The following CENPW variants were observed in gnomAD, a reference collection of about 807,000 sequenced individuals.
The protein encoded by CENPW is cancer-up-regulated gene 2 protein.
In CENPW, 3 loss-of-function variants were observed where a neutral mutation model predicts 11.1. The observed-to-expected ratio is 0.27, with a 90% CI of 0.12 to 0.70. The LOEUF is 0.70. Ranked by LOEUF, CENPW falls within the 30% of genes least tolerant of loss-of-function variation. The pLI is 0.77. For missense variants in CENPW, 100 were observed against 105.6 expected, an observed-to-expected ratio of 0.95 and a Z score of 0.23; for synonymous variants, 38 against 42.0, an observed-to-expected ratio of 0.91 and a Z score of 0.37.
the CENPW span, among the ~76,000 whole-genome samples, chr6:126,476,830 A>G: frequency 5.7e-4 from 86 of 152,100 alleles, no homozygotes; most frequent in Non-Finnish European, 9.3e-4. Context: ...GTGATCATAA[A>G]GAGAAGAATT....
the CENPW span, among the ~76,000 whole-genome samples, chr6:126,410,234 C>T: frequency 6.6e-6 from 1 of 152,120 alleles, no homozygotes; most frequent in African/African-American, 2.4e-5. Flanking sequence ...GATTTTATTT[C>T]TTCCTCATTG....
the CENPW span, among the ~76,000 whole-genome samples, chr6:126,463,745 G>A: frequency 3.3e-5 from 5 of 151,922 alleles, no homozygotes; most frequent in African/African-American, 9.7e-5. Context: ...AGTCACTCAA[G>A]AAGAAATAGA....
At chr6:126,407,019 C>T in the CENPW span, among the ~76,000 whole-genome samples, 1 of 152,034 alleles carries the variant, frequency 6.6e-6, no homozygotes, top group African/African-American at 2.4e-5. Context: ...GCTTGCTGTA[C>T]AGATCAACCC....
chr6:126,426,855 C>A, the CENPW span, among the ~76,000 whole-genome samples: 1 of 152,096 alleles, frequency 6.6e-6, no homozygotes, highest in African/African-American at 2.4e-5. Flanking sequence ...GAGGCATGTA[C>A]CAGTGACATC....
At chr6:126,455,975 C>T in the CENPW span, among the ~76,000 whole-genome samples, 2 of 150,580 alleles carry the variant, frequency 1.3e-5, no homozygotes, top group Admixed American at 6.6e-5. Flanking sequence ...TTTACAACAG[C>T]CACAAAAATT....
the CENPW span, among the ~76,000 whole-genome samples, chr6:126,375,164 A>G: frequency 6.6e-6 from 1 of 152,332 alleles, no homozygotes; most frequent in East Asian, 1.9e-4. Flanking sequence ...CTGATGGGAG[A>G]GAGTTTCAAC....
the CENPW span, among the ~76,000 whole-genome samples, chr6:126,463,680 A>T: frequency 6.6e-6 from 1 of 152,058 alleles, no homozygotes; most frequent in African/African-American, 2.4e-5. Flanking sequence ...TTTTATGCCA[A>T]TAAGTTAGAC....
chr6:126,368,552 C>A, the CENPW span, among the ~76,000 whole-genome samples: 1 of 149,002 alleles, frequency 6.7e-6, no homozygotes, highest in Non-Finnish European at 1.5e-5. Flanking sequence ...TTTTGGGGAA[C>A]AGGTGGTGTT....
At chr6:126,365,550 G>A in the CENPW span, among the ~76,000 whole-genome samples, 3 of 152,096 alleles carry the variant, frequency 2.0e-5, no homozygotes, top group Admixed American at 6.5e-5. Context: ...GGGGAAGTCC[G>A]CCCCTCTGAA....
the CENPW span, among the ~76,000 whole-genome samples, chr6:126,472,839 A>T: frequency 6.6e-6 from 1 of 152,174 alleles, no homozygotes; most frequent in Non-Finnish European, 1.5e-5. Flanking sequence ...TAGTCATTCT[A>T]CTAGGGGTAC....
the CENPW span, among the ~76,000 whole-genome samples, chr6:126,372,450 T>C: frequency 6.6e-6 from 1 of 152,196 alleles, no homozygotes; most frequent in African/African-American, 2.4e-5. Flanking sequence ...CTAATAATAC[T>C]TGCGATCTCA....
At chr6:126,446,013 A>T in the CENPW span, among the ~76,000 whole-genome samples, 22 of 150,536 alleles carry the variant, frequency 1.5e-4, no homozygotes, top group Admixed American at 1.2e-3. Flanking sequence ...AAGAAAGGAT[A>T]AAAAAAAATT....
downstream of CENPW, among the ~76,000 whole-genome samples, chr6:126,350,316 G>A (rs1009011633): frequency 2.0e-5 from 3 of 152,026 alleles, no homozygotes; most frequent in Non-Finnish European, 4.4e-5. Context: ...AGTTTTGATG[G>A]GCGGAAGGTC....
downstream of CENPW, among the ~76,000 whole-genome samples, chr6:126,352,794 C>T (rs940814610): frequency 9.9e-5 from 15 of 152,008 alleles, no homozygotes; most frequent in Admixed American, 3.3e-4. Flanking sequence ...CATTTGGTTT[C>T]TATTATACAT....
At chr6:126,402,723 T>C in the CENPW span, among the ~76,000 whole-genome samples, 1 of 152,120 alleles carries the variant, frequency 6.6e-6, no homozygotes, top group Non-Finnish European at 1.5e-5. Context: ...TATTCTATTG[T>C]ATGGATATAC....
downstream of CENPW, among the ~76,000 whole-genome samples, chr6:126,350,277 C>T (rs1399099726): frequency 6.6e-6 from 1 of 152,050 alleles, no homozygotes; most frequent in Non-Finnish European, 1.5e-5. Context: ...CACTGGATAG[C>T]TTATAGATAA....
the CENPW span, among the ~76,000 whole-genome samples, chr6:126,415,314 A>AC: frequency 6.6e-6 from 1 of 152,174 alleles, no homozygotes; most frequent in Non-Finnish European, 1.5e-5. Context: ...ATAACCTTAC[A>AC]AAAGCAGACA....
At chr6:126,437,009 G>A in the CENPW span, among the ~76,000 whole-genome samples, 1 of 151,438 alleles carries the variant, frequency 6.6e-6, no homozygotes, top group Non-Finnish European at 1.5e-5. Flanking sequence ...TCTATAATGG[G>A]CATTGAAGCT....
the CENPW span, among the ~76,000 whole-genome samples, chr6:126,422,027 G>A: frequency 6.6e-6 from 1 of 152,222 alleles, no homozygotes; most frequent in African/African-American, 2.4e-5. Context: ...TATTTGAAAA[G>A]CAAATCTGTT....
Sources: gnomAD v4.1 joint callset for allele counts (sites outside exome capture counted in the v4.1 genomes callset) on GRCh38, gnomAD v4.1.1 for gene constraint, MANE v1.5 for transcripts, NCBI Gene and HGNC (gene_info 2026-07-23, HGNC 2026-07-21) for gene names.